SPIDR: variants seen among roughly 807,000 people sequenced by gnomAD.
SPIDR encodes the protein scaffold protein involved in DNA repair.
In SPIDR, 93 loss-of-function variants were observed where a neutral mutation model predicts 104.6. That is an observed-to-expected ratio of 0.89 (90% CI 0.75 to 1.06). The LOEUF (loss-of-function observed/expected upper bound fraction) is 1.06, where lower values mean the gene tolerates loss of function less well. Among genes scored for constraint, SPIDR ranks in the 50% least tolerant of loss-of-function variants. The pLI is 0.00. For missense variants in SPIDR, 1,154 were observed against 1,111.2 expected (o/e 1.04, Z -0.55); for synonymous variants, 431 against 416.9 (o/e 1.03, Z -0.41).
At chr8:47,418,264 G>T (rs2064742330) in intron 7 of SPIDR, among the ~76,000 whole-genome samples, 2 of 152,186 alleles carry the variant, frequency 1.3e-5, no homozygotes, top group African/African-American at 4.8e-5. Context: ...AGCATGGAAT[G>T]TTCTTCCATT....
intron 10 of SPIDR, among the ~76,000 whole-genome samples, chr8:47,603,812 C>A (rs1157677029): frequency 6.6e-6 from 1 of 152,186 alleles, no homozygotes; most frequent in Non-Finnish European, 1.5e-5. Flanking sequence ...GCTAAATAGT[C>A]GTGTCTTCAG....
chr8:47,275,109 A>T (rs1220971677), intron 1 of SPIDR, among the ~76,000 whole-genome samples: 1 of 151,442 alleles, frequency 6.6e-6, no homozygotes, highest in Non-Finnish European at 1.5e-5. Context: ...AATACAAAAA[A>T]TTAGCCGCGC....
chr8:47,726,722 C>T (rs780948282), intron 16 of SPIDR, among the ~76,000 whole-genome samples: 23 of 152,174 alleles, frequency 1.5e-4, no homozygotes, highest in Non-Finnish European at 3.1e-4. Context: ...TGTCAATTCA[C>T]CATTTATTTC....
rs577900244 is a variant in SPIDR, at chr8:47,570,983, C to T, written c.1098-24828C>T. Among the ~76,000 whole-genome samples the T allele has an allele frequency of 4.0e-5, 6 of 148,974 alleles. No individual in the cohort carries two copies. In the South Asian group the frequency reaches 6.4e-4, roughly 16 times the overall value. ...GTGGGCGCCTGTAGTCCCAGCTACTCGGGAAGCTGAGACAGGAGAATTGCT... is the reference window on the plus strand; with the variant it reads ...GTGGGCGCCTGTAGTCCCAGCTACTTGGGAAGCTGAGACAGGAGAATTGCT... On this transcript the variant is annotated intron_variant, in intron 8 of 19. Transcript: ENST00000297423.
At chr8:47,464,827 G>C (rs980921099) in intron 8 of SPIDR, among the ~76,000 whole-genome samples, 1 of 152,090 alleles carries the variant, frequency 6.6e-6, no homozygotes, top group East Asian at 1.9e-4. Context: ...GGAGTGTCTT[G>C]GCAAAGTTTT....
chr8:47,679,129 C>A (rs1196099784), intron 11 of SPIDR, among the ~76,000 whole-genome samples: 1 of 152,220 alleles, frequency 6.6e-6, no homozygotes, highest in Non-Finnish European at 1.5e-5. Flanking sequence ...ATGGAGGTAA[C>A]CTTGCAGCTC....
intron 8 of SPIDR, among the ~76,000 whole-genome samples, chr8:47,545,195 A>G (rs1220518942): frequency 7.0e-6 from 1 of 143,094 alleles, no homozygotes; most frequent in African/African-American, 2.6e-5. Flanking sequence ...ATCTCAGCTC[A>G]CTGCAACCTC....
intron 8 of SPIDR, among the ~76,000 whole-genome samples, chr8:47,549,540 A>G (rs2090093103): frequency 1.3e-5 from 2 of 152,156 alleles, no homozygotes; most frequent in Admixed American, 1.3e-4. Context: ...GCATGTTTTC[A>G]TATGTCTGTT....
chr8:47,382,055 AT>A (rs1412305958), intron 5 of SPIDR, among the ~76,000 whole-genome samples: 1 of 152,196 alleles, frequency 6.6e-6, no homozygotes, highest in Non-Finnish European at 1.5e-5. Context: ...AAGAGCTTTA[AT>A]TTCTGAACAT....
At chr8:47,660,455 C>T (rs1231605726) in intron 10 of SPIDR, 1 of 985,336 alleles carries the variant, frequency 1.0e-6, no homozygotes, top group Non-Finnish European at 1.2e-6. Flanking sequence ...GCCTCACCCT[C>T]ATGGCTCAGA....
chr8:47,334,136 A>G (rs1265966526), intron 5 of SPIDR, among the ~76,000 whole-genome samples: 2 of 152,188 alleles, frequency 1.3e-5, no homozygotes, highest in African/African-American at 4.8e-5. Context: ...CTTAGAGAAG[A>G]TGTTATATAA....
At chr8:47,722,953 G>A (rs963654187) in intron 16 of SPIDR, among the ~76,000 whole-genome samples, 3 of 151,938 alleles carry the variant, frequency 2.0e-5, no homozygotes, top group African/African-American at 7.2e-5. Context: ...ATACTCCCAC[G>A]TCAGCCTCCC....
At chr8:47,692,358 C>T (rs981551647) in intron 11 of SPIDR, among the ~76,000 whole-genome samples, 19 of 152,188 alleles carry the variant, frequency 1.2e-4, no homozygotes, top group Admixed American at 9.8e-4. Flanking sequence ...CTCTGCTTTC[C>T]GTCTCTGTGG....
chr8:47,262,154 C>T (rs1016661496), intron 1 of SPIDR, among the ~76,000 whole-genome samples: 1 of 152,186 alleles, frequency 6.6e-6, no homozygotes, highest in Non-Finnish European at 1.5e-5. Flanking sequence ...AGATGACTTT[C>T]AGATCTATAT....
intron 8 of SPIDR, among the ~76,000 whole-genome samples, chr8:47,545,561 C>G (rs2154394729): frequency 6.6e-6 from 1 of 152,106 alleles, no homozygotes; most frequent in South Asian, 2.1e-4. Flanking sequence ...TCTCCATAGG[C>G]AATCATGTCA....
At chr8:47,444,502 C>G (rs1554699927) in intron 8 of SPIDR, among the ~76,000 whole-genome samples, 1 of 152,212 alleles carries the variant, frequency 6.6e-6, no homozygotes, top group Non-Finnish European at 1.5e-5. Context: ...TTCCATCGGT[C>G]CATTCATATC....
At chr8:47,466,043 A>G (rs1244868725) in intron 8 of SPIDR, among the ~76,000 whole-genome samples, 1 of 152,160 alleles carries the variant, frequency 6.6e-6, no homozygotes, top group Non-Finnish European at 1.5e-5. Context: ...GGAAACCTTC[A>G]AAGAGACTTA....
chr8:47,650,754 A>C (rs546921367), intron 10 of SPIDR, among the ~76,000 whole-genome samples: 39 of 152,362 alleles, frequency 2.6e-4, no homozygotes, highest in African/African-American at 6.5e-4. Flanking sequence ...ATATAAAAGT[A>C]GATACACAGA....
intron 5 of SPIDR, among the ~76,000 whole-genome samples, chr8:47,307,306 T>C (rs1246772545): frequency 6.6e-6 from 1 of 151,474 alleles, no homozygotes; most frequent in Non-Finnish European, 1.5e-5. Context: ...CTGCAACCTC[T>C]GCCTCCTGGG....
Sources: allele counts gnomAD v4.1 joint callset (sites outside exome capture counted in the v4.1 genomes callset), GRCh38; gene constraint gnomAD v4.1.1; transcripts MANE v1.5; gene names NCBI Gene and HGNC (gene_info 2026-07-23, HGNC 2026-07-21).